ARHGAP35: variants seen among roughly 807,000 people sequenced by gnomAD.
The protein encoded by ARHGAP35 is rho GTPase-activating protein 35.
A neutral mutation model predicts 111.1 loss-of-function variants in ARHGAP35; 15 were observed. The observed-to-expected ratio is 0.13, with a 90% CI of 0.09 to 0.21. ARHGAP35 has a LOEUF of 0.21. Among genes scored for constraint, ARHGAP35 ranks in the 10% least tolerant of loss-of-function variants. ARHGAP35 has a pLI of 1.00. For synonymous variants in ARHGAP35, 643 were observed against 710.3 expected (o/e 0.91, Z 1.51); for missense variants, 1,262 against 1,873.0 (o/e 0.67, Z 6.02).
chr19:46,922,120 G>A lies in ARHGAP35; in HGVS notation c.3445G>A (p.Val1149Ile). Reference protein sequence around the residue: ...DTSSLERGRKVSIVSKPVLYR... With the variant: ...DTSSLERGRKISIVSKPVLYR... ...CAGCTCTCTAGAGCGAGGGCGCAAG[G>A]TTTCCATCGTGAGCAAGCCAGTGCT... is the stretch of plus-strand genomic sequence containing the variant. Residue 1149 changes from valine to isoleucine, a missense_variant, in exon 2 of 7, where the codon GTT becomes ATT. Transcript: ENST00000672722. The surrounding 1 kb of genome is among the most constrained non-coding windows in gnomAD (Gnocchi z 4.0). 1 of 1,614,008 alleles carries A rather than the reference G, an allele frequency of 6.2e-7. No individual in the cohort carries two copies. The highest frequency in any genetic ancestry group is 8.5e-7 in the Non-Finnish European group (1 of 1,179,896).
At chr19:46,883,272 T>TG (rs1568460194) in intron 1 of ARHGAP35, among the ~76,000 whole-genome samples, 30 of 151,768 alleles carry the variant, frequency 2.0e-4, no homozygotes, top group African/African-American at 7.0e-4. Context: ...TTTTTTTTTT[T>TG]TTTTGTTAGT....
In ARHGAP35 at chr19:46,920,883, T is replaced by C. The variant is rs774427329; in HGVS notation, c.2208T>C (p.Ala736=). 1.3e-4 allele frequency: 203 copies of C among 1,613,884 alleles called. 3 individuals carry two copies. The South Asian group carries it at 2.0e-3, about 16-fold the overall frequency. Residue 736 remains alanine (A), a synonymous_variant, in exon 2 of 7, where the codon GCT becomes GCC. Coordinates refer to ENST00000672722, the MANE Select transcript of ARHGAP35 (RefSeq NM_004491.5). This position sits in a 1 kb window ranked among gnomAD's most constrained non-coding sequence, Gnocchi z 7.0. ...TTCAGTGTGTCTTTCTCGACCCTGC[T>C]TCTGCTGGCATTGGTTACGGACGCA... is the stretch of plus-strand genomic sequence containing the variant. ...SKLQCVFLDP[A]SAGIGYGRNI...
Position 46,908,578 on chromosome 19 carries a change from C to T in ARHGAP35, c.-188-9910C>T, listed in dbSNP as rs1236696959. On this transcript the variant is annotated intron_variant, in intron 1 of 6. Coordinates refer to ENST00000672722, the MANE Select transcript of ARHGAP35 (RefSeq NM_004491.5). This position sits in a 1 kb window ranked among gnomAD's most constrained non-coding sequence, Gnocchi z 4.2. Reference sequence around the variant, plus strand: ...TTGATTTTGTCTTTGTTTATATTTGCCTTATACTTTGATCAGATAGCTTAA... The same window carrying T: ...TTGATTTTGTCTTTGTTTATATTTGTCTTATACTTTGATCAGATAGCTTAA... Among the ~76,000 whole-genome samples, 1 of 152,122 alleles carries T rather than the reference C, an allele frequency of 6.6e-6. No homozygotes were observed. The highest frequency in any genetic ancestry group is 2.4e-5 in the African/African-American group (1 of 41,428).
chr19:46,882,173 A>G (rs999706386), intron 1 of ARHGAP35, among the ~76,000 whole-genome samples: 1 of 149,550 alleles, frequency 6.7e-6, no homozygotes, highest in African/African-American at 2.5e-5. Context: ...TCGCTCTGTC[A>G]CCCAGCATGG....
In ARHGAP35 at chr19:46,890,062, T is replaced by C. The variant is rs529967929; in HGVS notation, c.-188-28426T>C. On this transcript the variant is annotated intron_variant, in intron 1 of 6. Coordinates refer to ENST00000672722, the MANE Select transcript of ARHGAP35 (RefSeq NM_004491.5). The stretch of plus-strand genomic sequence containing the variant: ...GAGAGAATTTGTAGATTTCATCAAA[T>C]TCTCAAAGGAATCCATGACCCAAAA... 1.6e-3 allele frequency among the ~76,000 whole-genome samples: 238 copies of C among 152,274 alleles called. 1 individual carries two copies. Among genetic ancestry groups the C allele is most frequent in the African/African-American group, 4.6e-3 (193 of 41,554 alleles).
At position 47,000,114 on chromosome 19, in the gene ARHGAP35, T is replaced by G. The variant is rs1310566789; in HGVS notation, c.4143-217T>G. Reference sequence around the variant, plus strand: ...GGTTTGCGGGGCTCCAGGCAGCCTTTCCGAGGTTGGCCATGTAGAGGCACT... The same window carrying G: ...GGTTTGCGGGGCTCCAGGCAGCCTTGCCGAGGTTGGCCATGTAGAGGCACT... On this transcript the variant is annotated intron_variant, in intron 6 of 6. Coordinates refer to ENST00000672722, the MANE Select transcript of ARHGAP35 (RefSeq NM_004491.5). The surrounding 1 kb of genome is among the most constrained non-coding windows in gnomAD (Gnocchi z 6.9). Among the ~76,000 whole-genome samples the G allele has an allele frequency of 6.6e-6, 1 of 152,100 alleles. No individual in the cohort carries two copies. The highest frequency in any genetic ancestry group is 2.4e-5 in the African/African-American group (1 of 41,422).
At chr19:46,947,874 A>G (rs927765866) in intron 3 of ARHGAP35, 2 of 152,332 alleles carry the variant, frequency 1.3e-5, no homozygotes, top group South Asian at 2.1e-4. Context: ...ACACTTGCTT[A>G]TATTTACTGG....
intron 3 of ARHGAP35, among the ~76,000 whole-genome samples, chr19:46,958,356 G>A (rs1471845624): frequency 6.6e-6 from 1 of 150,462 alleles, no homozygotes; most frequent in East Asian, 2.0e-4. Context: ...CTGCACTCCA[G>A]CCTGGGCGAC....
At chr19:46,930,909 T>TG (rs1485093403) in intron 2 of ARHGAP35, among the ~76,000 whole-genome samples, 1 of 152,010 alleles carries the variant, frequency 6.6e-6, no homozygotes, top group Non-Finnish European at 1.5e-5. Flanking sequence ...TATGTGGCCT[T>TG]GGGGTGATTC....
chr19:46,919,818 T>G lies in ARHGAP35; in HGVS notation c.1143T>G (p.Val381=). ...AGCCAGAATTCTTGAAGTGGTTTGT[T>G]GTGCTTGAAGAGACCCCATGGGATG... ...ETKPEFLKWF[V]VLEETPWDAT... Residue 381 remains valine (V), a synonymous_variant, in exon 2 of 7, where the codon GTT becomes GTG. Transcript: ENST00000672722. This position sits in a 1 kb window ranked among gnomAD's most constrained non-coding sequence, Gnocchi z 6.2. 1 of 1,614,066 alleles carries G rather than the reference T, an allele frequency of 6.2e-7. No homozygotes were observed. The highest frequency in any genetic ancestry group is 8.5e-7 in the Non-Finnish European group (1 of 1,179,898).
At chr19:46,963,067 C>T (rs1331541836) in intron 3 of ARHGAP35, among the ~76,000 whole-genome samples, 1 of 152,104 alleles carries the variant, frequency 6.6e-6, no homozygotes, top group East Asian at 1.9e-4. Context: ...ATTTCTGTTT[C>T]ATTCTTCCTG....
chr19:46,987,913 C>CTCGAGAA, intron 3 of ARHGAP35, 76 bp from the exon 4 acceptor site: 1 of 1,455,988 alleles, frequency 6.9e-7, no homozygotes, highest in Non-Finnish European at 9.5e-7. Flanking sequence ...TGGCTTTCTC[C>CTCGAGAA]TTGTCTTCGA....
intron 1 of ARHGAP35, among the ~76,000 whole-genome samples, chr19:46,912,547 A>G (rs1007785665): frequency 2.6e-5 from 4 of 151,962 alleles, no homozygotes; most frequent in Admixed American, 1.3e-4. Context: ...TAGTAGAGAC[A>G]GGATTTCACC....
At chr19:46,946,851 G>A (rs2056382786) in intron 3 of ARHGAP35, 1 of 152,224 alleles carries the variant, frequency 6.6e-6, no homozygotes, top group Non-Finnish European at 1.5e-5. Context: ...TAGTCTCTGG[G>A]ATTGCAGGCA....
At chr19:46,868,201 G>A (rs1421719810) in intron 1 of ARHGAP35, among the ~76,000 whole-genome samples, 1 of 152,194 alleles carries the variant, frequency 6.6e-6, no homozygotes, top group East Asian at 1.9e-4. Flanking sequence ...CATACTTGCT[G>A]CATTGTAAAT....
At chr19:46,896,298 G>A (rs75566392) in intron 1 of ARHGAP35, among the ~76,000 whole-genome samples, 2,258 of 152,126 alleles carry the variant, frequency 0.015, 57 homozygotes, top group African/African-American at 0.05. Flanking sequence ...GTGTATCACC[G>A]GAGCCCGGGA....
chr19:46,922,225 G>C lies in ARHGAP35; in HGVS notation c.3550G>C (p.Gly1184Arg). 2.5e-6 allele frequency: 4 copies of C among 1,613,942 alleles called. No individual in the cohort carries two copies. Among genetic ancestry groups the C allele is most frequent in the Admixed American group, 3.3e-5 (2 of 60,014 alleles). ...CAGCGTGGGGAGTGATGATGAGCTG[G>C]GGCCCATCCGGAAGAAAGAGGAGGA... ...SFSVGSDDEL[G>R]PIRKKEEDQA... The change falls in exon 2 of 7, where the codon GGG becomes CGG. Residue 1184 changes from glycine to arginine, a missense_variant. Transcript: ENST00000672722. This position sits in a 1 kb window ranked among gnomAD's most constrained non-coding sequence, Gnocchi z 4.0.
intron 1 of ARHGAP35, among the ~76,000 whole-genome samples, chr19:46,890,233 G>A (rs1057139817): frequency 6.6e-6 from 1 of 152,156 alleles, no homozygotes; most frequent in Admixed American, 6.5e-5. Flanking sequence ...GAACTCTATT[G>A]TTGAACATCT....
At chr19:46,964,753 A>G (rs1371839113) in intron 3 of ARHGAP35, among the ~76,000 whole-genome samples, 2 of 152,224 alleles carry the variant, frequency 1.3e-5, no homozygotes, top group Admixed American at 6.5e-5. Flanking sequence ...GGGTTCTACC[A>G]GGGTAATAAG....
Sources: allele counts gnomAD v4.1 joint callset (sites outside exome capture counted in the v4.1 genomes callset), GRCh38; gene constraint gnomAD v4.1.1; non-coding constraint Gnocchi (gnomAD v3.1); transcripts MANE v1.5; gene names NCBI Gene and HGNC (gene_info 2026-07-23, HGNC 2026-07-21).